Variants in KCNT2 observed in about 807,000 individuals in gnomAD.
KCNT2 encodes potassium channel subfamily T member 2.
In KCNT2, 67 loss-of-function variants were observed where a neutral mutation model predicts 153.8. The observed-to-expected ratio is 0.44, with a 90% CI of 0.36 to 0.53. KCNT2 has a LOEUF of 0.53. Among genes scored for constraint, KCNT2 ranks in the 20% least tolerant of loss-of-function variants. The pLI is 0.00. For missense variants in KCNT2, 975 were observed against 1,354.8 expected (o/e 0.72, Z 4.40); for synonymous variants, 500 against 458.8 (o/e 1.09, Z -1.15).
chr1:196,318,025 T>G (rs1662902274), intron 20 of KCNT2, among the ~76,000 whole-genome samples: 1 of 151,626 alleles, frequency 6.6e-6, no homozygotes, highest in African/African-American at 2.4e-5. Context: ...GCTGCCAACT[T>G]ATTCTTATAA....
At chr1:196,538,314 G>T (rs566045752) in intron 1 of KCNT2, among the ~76,000 whole-genome samples, 20 of 152,066 alleles carry the variant, frequency 1.3e-4, no homozygotes, top group Non-Finnish European at 2.6e-4. Context: ...CCTGAAATCA[G>T]CATGGACCAA....
chr1:196,298,411 CTATGCATATGATTACAATGT>C (rs1454711736), intron 22 of KCNT2, among the ~76,000 whole-genome samples: 1 of 152,084 alleles, frequency 6.6e-6, no homozygotes, highest in African/African-American at 2.4e-5. Flanking sequence ...AACAAAAGCA[CTATGCATATGATTACAATGT>C]TATTATGAAG....
At chr1:196,310,465 T>G (rs75801745) in intron 21 of KCNT2, among the ~76,000 whole-genome samples, 193 of 152,070 alleles carry the variant, frequency 1.3e-3, no homozygotes, top group African/African-American at 4.4e-3. Context: ...CTTATCCATG[T>G]AAACCATCAC....
chr1:196,489,146 A>C (rs142332274), intron 3 of KCNT2, among the ~76,000 whole-genome samples: 13 of 152,112 alleles, frequency 8.5e-5, no homozygotes, highest in Admixed American at 3.3e-4. Context: ...AAGGTGCATA[A>C]GCTACTTCAA....
At chr1:196,384,334 T>G (rs745751411) in intron 13 of KCNT2, among the ~76,000 whole-genome samples, 3 of 152,104 alleles carry the variant, frequency 2.0e-5, no homozygotes, top group Non-Finnish European at 4.4e-5. Flanking sequence ...ACCCATACTC[T>G]TCCCTTACCA....
Position 196,489,948 on chromosome 1 carries a change from ATGATAAAAG to A in KCNT2, c.176-20_176-12del. 1.5e-6 allele frequency: 2 copies of A among 1,321,024 alleles called. No homozygotes were observed. The highest frequency in any genetic ancestry group is 2.1e-6 in the Non-Finnish European group (2 of 962,630). The allele number at this position is 1,321,024 out of a possible 1,614,324, so 81.8% of individuals were successfully genotyped here. A position where few individuals can be genotyped will look rare whatever the true frequency, so the allele number is the denominator to read the frequency against. On this transcript the variant is annotated splice_polypyrimidine_tract_variant and intron_variant, in intron 2 of 27. Coordinates refer to ENST00000294725, the MANE Select transcript of KCNT2 (RefSeq NM_198503.5). ...GGCGTATCCTTAGACCTTTAAACAA[ATGATAAAAG>A]TTTGATTTTCATCTGAACTTAGTTC...
Position 196,608,317 on chromosome 1 carries a change from CAA to C in KCNT2, c.-10_-9del. On this transcript the variant is annotated 5_prime_UTR_variant, in exon 1 of 28. An upstream open reading frame in the 5' UTR loses its in-frame stop. Coordinates refer to ENST00000294725, the MANE Select transcript of KCNT2 (RefSeq NM_198503.5). ...GCTCTCCAAATCAACCATCCTTCCT[CAA>C]AGAGTGGGAAACATCAAACAACAAA... 6.2e-7 allele frequency: 1 copy of C among 1,607,850 alleles called. No homozygotes were observed. Among genetic ancestry groups the C allele is most frequent in the Non-Finnish European group, 8.5e-7 (1 of 1,174,292 alleles).
intron 1 of KCNT2, among the ~76,000 whole-genome samples, chr1:196,568,774 A>G (rs1399500478): frequency 2.3e-5 from 1 of 43,132 alleles, no homozygotes; most frequent in East Asian, 9.2e-4. Context: ...TTATGTTAAT[A>G]ATGAGCTTTT....
intron 8 of KCNT2, among the ~76,000 whole-genome samples, chr1:196,436,910 A>G (rs1013843661): frequency 5.5e-5 from 8 of 146,246 alleles, no homozygotes; most frequent in Non-Finnish European, 1.2e-4. Flanking sequence ...ATGTCTCATT[A>G]CAGCATAAAT....
At chr1:196,318,912 T>G (rs1663006422) in intron 20 of KCNT2, among the ~76,000 whole-genome samples, 1 of 151,728 alleles carries the variant, frequency 6.6e-6, no homozygotes, top group South Asian at 2.1e-4. Flanking sequence ...ATTAGCGTTT[T>G]GATCTTTTAT....
chr1:196,330,421 T>G (rs1000908717), intron 18 of KCNT2, among the ~76,000 whole-genome samples: 6 of 151,850 alleles, frequency 4.0e-5, no homozygotes, highest in Admixed American at 1.3e-4. Context: ...GACTTGTAAG[T>G]GGAGAGCTGA....
At chr1:196,438,419 T>C (rs1674921205) in intron 8 of KCNT2, among the ~76,000 whole-genome samples, 1 of 151,786 alleles carries the variant, frequency 6.6e-6, no homozygotes, top group Non-Finnish European at 1.5e-5. Context: ...TATAATCTTG[T>C]CCTTTCTCAA....
At chr1:196,498,342 C>G (rs1163824510) in intron 1 of KCNT2, among the ~76,000 whole-genome samples, 1 of 152,086 alleles carries the variant, frequency 6.6e-6, no homozygotes, top group African/African-American at 2.4e-5. Flanking sequence ...TGTGGATAGT[C>G]TCTTTTAAAT....
chr1:196,514,626 A>G (rs1376729872), intron 1 of KCNT2, among the ~76,000 whole-genome samples: 1 of 152,226 alleles, frequency 6.6e-6, no homozygotes, highest in African/African-American at 2.4e-5. Flanking sequence ...ATTTACCTAT[A>G]AACTTACATA....
chr1:196,408,237 G>T (rs980133869), intron 12 of KCNT2, among the ~76,000 whole-genome samples: 1 of 151,410 alleles, frequency 6.6e-6, no homozygotes, highest in African/African-American at 2.4e-5. Flanking sequence ...ATGGACGAAA[G>T]TTTTACACCC....
intron 1 of KCNT2, among the ~76,000 whole-genome samples, chr1:196,544,800 C>T (rs961867184): frequency 5.9e-5 from 9 of 152,068 alleles, no homozygotes; most frequent in South Asian, 4.1e-4. Context: ...GGCACATTGA[C>T]GAGCTTGCAC....
chr1:196,490,394 A>G (rs554725390), intron 2 of KCNT2, among the ~76,000 whole-genome samples: 33 of 149,780 alleles, frequency 2.2e-4, no homozygotes, highest in Non-Finnish European at 4.0e-4. Flanking sequence ...AATTAATTAT[A>G]TTTGTATAGT....
At chr1:196,375,678 A>G (rs550501824) in intron 13 of KCNT2, among the ~76,000 whole-genome samples, 3 of 151,490 alleles carry the variant, frequency 2.0e-5, no homozygotes, top group African/African-American at 7.2e-5. Context: ...TTTATACTTT[A>G]TGTGTATAGA....
chr1:196,525,731 G>A (rs1654094782), intron 1 of KCNT2, among the ~76,000 whole-genome samples: 1 of 152,136 alleles, frequency 6.6e-6, no homozygotes. Context: ...AGCCAAAAAA[G>A]TTTACATTAC....
Sources: gnomAD v4.1 joint callset for allele counts (sites outside exome capture counted in the v4.1 genomes callset) on GRCh38, gnomAD v4.1.1 for gene constraint, MANE v1.5 for transcripts, NCBI Gene and HGNC (gene_info 2026-07-23, HGNC 2026-07-21) for gene names.